Variants in PHACTR4 observed in about 807,000 individuals in gnomAD.
The protein encoded by PHACTR4 is protein phosphatase 1, regulatory subunit 124.
PHACTR4 carries 51 observed loss-of-function variants against 72.7 expected under a neutral mutation model. That is an observed-to-expected ratio of 0.70 (90% CI 0.56 to 0.89). The LOEUF is 0.89. Among genes scored for constraint, PHACTR4 ranks in the 40% least tolerant of loss-of-function variants. PHACTR4 has a pLI of 0.00. For synonymous variants in PHACTR4, 255 were observed against 302.5 expected (o/e 0.84, Z 1.63); for missense variants, 731 against 861.8 (o/e 0.85, Z 1.90).
intron 2 of PHACTR4, among the ~76,000 whole-genome samples, chr1:28,418,284 G>A (rs1175258062): frequency 1.3e-5 from 2 of 150,442 alleles, no homozygotes; most frequent in Non-Finnish European, 3.0e-5. Context: ...CCAACATGGC[G>A]AAAGCCTGAC....
rs754120110 is a variant in PHACTR4 at position 28,466,444 on chromosome 1, C to A, written c.499C>A (p.Pro167Thr). The change falls in exon 6 of 14, where the codon CCT (proline) becomes ACT (threonine). Residue 167 changes from proline (P) to threonine (T), a missense_variant. Physicochemically the swap from Pro to Thr is conservative, Grantham distance 38. Transcript: ENST00000373839. ...TGTTCCTGAGAATGTACCCAAACCA[C>A]CTTTACTTCCTCCCAAAAGACCCTT... ...ESVPENVPKP[P>T]LLPPKRPLSS... is the part of the protein sequence containing the mutation. 3 of 1,614,134 alleles carry A rather than the reference C, an allele frequency of 1.9e-6. No homozygotes were observed. The highest frequency in any genetic ancestry group is 2.5e-6 in the Non-Finnish European group (3 of 1,180,024).
chr1:28,422,994 G>T (rs1038225942), intron 2 of PHACTR4, among the ~76,000 whole-genome samples: 1 of 152,182 alleles, frequency 6.6e-6, no homozygotes, highest in African/African-American at 2.4e-5. Context: ...TCCCCATGTT[G>T]ACCAGGCTGG....
chr1:28,495,991 A>G (rs1454610774), intron 13 of PHACTR4, among the ~76,000 whole-genome samples: 1 of 151,992 alleles, frequency 6.6e-6, no homozygotes, highest in South Asian at 2.1e-4. Flanking sequence ...GAGAAAGATC[A>G]ATTGAAGAAG....
At chr1:28,422,284 AAT>A (rs1236239580) in intron 2 of PHACTR4, among the ~76,000 whole-genome samples, 1 of 152,242 alleles carries the variant, frequency 6.6e-6, no homozygotes, top group African/African-American at 2.4e-5. Context: ...GGGAAAAAAT[AAT>A]AATTATACAA....
chr1:28,376,945 T>G (rs989574891), intron 1 of PHACTR4, among the ~76,000 whole-genome samples: 2 of 151,948 alleles, frequency 1.3e-5, no homozygotes, highest in African/African-American at 4.8e-5. Context: ...CCTTAATTTT[T>G]TTTTGAAATG....
At chr1:28,400,799 C>T (rs1053178167) in intron 1 of PHACTR4, among the ~76,000 whole-genome samples, 5 of 152,028 alleles carry the variant, frequency 3.3e-5, no homozygotes, top group Non-Finnish European at 5.9e-5. Flanking sequence ...AGGCTGGTCT[C>T]GAACTCCTGA....
At chr1:28,401,767 T>G (rs1653964882) in intron 1 of PHACTR4, among the ~76,000 whole-genome samples, 1 of 152,066 alleles carries the variant, frequency 6.6e-6, no homozygotes, top group African/African-American at 2.4e-5. Context: ...CTCATCTAAT[T>G]TTTAAATTTT....
At chr1:28,406,030 G>C (rs1003653699) in intron 1 of PHACTR4, among the ~76,000 whole-genome samples, 2 of 152,032 alleles carry the variant, frequency 1.3e-5, no homozygotes, top group African/African-American at 4.8e-5. Flanking sequence ...TTCTATAGCA[G>C]CTCTCACTTT....
chr1:28,468,573 CAA>C (rs1246217219), intron 6 of PHACTR4, among the ~76,000 whole-genome samples: 2 of 152,038 alleles, frequency 1.3e-5, no homozygotes, highest in African/African-American at 4.8e-5. Flanking sequence ...GCCTGAGCAA[CAA>C]GAGCAAAACT....
intron 2 of PHACTR4, among the ~76,000 whole-genome samples, chr1:28,418,570 T>G (rs1432991212): frequency 6.6e-6 from 1 of 152,188 alleles, no homozygotes; most frequent in African/African-American, 2.4e-5. Context: ...AAATTACATG[T>G]AGATTAAATC....
rs1288214085 is a variant in PHACTR4, at chr1:28,406,017, A to G, written c.-38-1393A>G. Among the ~76,000 whole-genome samples, 6 of 152,304 alleles carry G rather than the reference A, an allele frequency of 3.9e-5. No homozygotes were observed. In the East Asian group the frequency reaches 1.2e-3, roughly 29 times the overall value. ...CCTCAATTGACTGCTGGCCAACCAT[A>G]ACTTCTATAGCAGCTCTCACTTTGA... On this transcript the variant is annotated intron_variant, in intron 1 of 13. Coordinates refer to ENST00000373839, the MANE Select transcript of PHACTR4 (RefSeq NM_001048183.3).
intron 1 of PHACTR4, among the ~76,000 whole-genome samples, chr1:28,376,491 T>TTTTTTTTTTTC (rs1255295994): frequency 1.7e-5 from 1 of 59,204 alleles, no homozygotes; most frequent in Non-Finnish European, 3.2e-5. Context: ...AATTTTTTCT[T>TTTTTTTTTTTC]TTTTTTTTTT....
chr1:28,377,201 G>C (rs1007840484), intron 1 of PHACTR4, among the ~76,000 whole-genome samples: 1 of 151,200 alleles, frequency 6.6e-6, no homozygotes, highest in Non-Finnish European at 1.5e-5. Context: ...GCCTCCCAAA[G>C]TGGTAGGATT....
At chr1:28,390,516 A>G (rs1652925633) in intron 1 of PHACTR4, among the ~76,000 whole-genome samples, 1 of 151,998 alleles carries the variant, frequency 6.6e-6, no homozygotes, top group Admixed American at 6.6e-5. Flanking sequence ...GGGGCAGGGC[A>G]TGGTGGTTCA....
At chr1:28,489,915 T>G (rs752291712) in intron 10 of PHACTR4, 27 of 518,404 alleles carry the variant, frequency 5.2e-5, no homozygotes, top group African/African-American at 4.6e-4. Context: ...CTTAATAACT[T>G]AGTACATTTT....
At chr1:28,453,477 G>A in intron 2 of PHACTR4, 1 of 380,946 alleles carries the variant, frequency 2.6e-6, no homozygotes, top group East Asian at 4.0e-5. Context: ...ATTGAGGTCT[G>A]TAGCTGCAGT....
chr1:28,473,873 C>T lies in PHACTR4; in HGVS notation c.1143C>T (p.His381=), dbSNP rs759434086. Residue 381 remains histidine (H), a synonymous_variant, in exon 7 of 14, where the codon CAC becomes CAT. Transcript: ENST00000373839. ...AGTTTCCACCATCCTTAGATCTACACCAGGAGATTCCCCAGCAGGAAGATC... is the reference window on the plus strand; with the variant it reads ...AGTTTCCACCATCCTTAGATCTACATCAGGAGATTCCCCAGCAGGAAGATC... ...EIEFPPSLDL[H]QEIPQQEDQK... 6.2e-7 allele frequency: 1 copy of T among 1,614,092 alleles called. No individual in the cohort carries two copies. The highest frequency in any genetic ancestry group is 8.5e-7 in the Non-Finnish European group (1 of 1,180,000).
chr1:28,495,140 G>A (rs914489443), intron 13 of PHACTR4, among the ~76,000 whole-genome samples: 1 of 152,168 alleles, frequency 6.6e-6, no homozygotes, highest in African/African-American at 2.4e-5. Flanking sequence ...GTCTTTGAAG[G>A]TGATAAGTTT....
At chr1:28,461,617 C>A (rs1405648159) in intron 4 of PHACTR4, among the ~76,000 whole-genome samples, 2 of 152,074 alleles carry the variant, frequency 1.3e-5, no homozygotes, top group Non-Finnish European at 2.9e-5. Context: ...CCAGAGACAA[C>A]AAGCTTGAAG....
Sources: allele counts gnomAD v4.1 joint callset (sites outside exome capture counted in the v4.1 genomes callset), GRCh38; gene constraint gnomAD v4.1.1; transcripts MANE v1.5; gene names NCBI Gene and HGNC (gene_info 2026-07-23, HGNC 2026-07-21).